The following EYS variants were observed in gnomAD, a reference collection of about 807,000 sequenced individuals.
EYS encodes the protein protein eyes shut homolog.
A neutral mutation model predicts 282.1 loss-of-function variants in EYS; 250 were observed. The observed-to-expected ratio is 0.89, with a 90% CI of 0.80 to 0.98. The LOEUF is 0.98. Among genes scored for constraint, EYS ranks in the 50% least tolerant of loss-of-function variants. The pLI is 0.00. For synonymous variants in EYS, 1,355 were observed against 1,282.9 expected, an observed-to-expected ratio of 1.06 and a Z score of -1.20; for missense variants, 4,016 against 3,709.0, an observed-to-expected ratio of 1.08 and a Z score of -2.15.
intron 35 of EYS, among the ~76,000 whole-genome samples, chr6:63,964,009 T>A (rs1046337030): frequency 3.3e-5 from 5 of 152,226 alleles, no homozygotes; most frequent in African/African-American, 1.2e-4. Context: ...GGAAGGAAGA[T>A]TAAATCTGGT....
At chr6:64,579,834 C>T (rs962540543) in intron 26 of EYS, among the ~76,000 whole-genome samples, 2 of 152,186 alleles carry the variant, frequency 1.3e-5, no homozygotes, top group East Asian at 1.9e-4. Context: ...CTATACTGGC[C>T]GGTTACTTTG....
intron 22 of EYS, among the ~76,000 whole-genome samples, chr6:64,669,659 T>C (rs918149946): frequency 3.3e-5 from 5 of 152,196 alleles, no homozygotes; most frequent in African/African-American, 1.2e-4. Flanking sequence ...CCTTGGTTGC[T>C]TGGGCCTCAG....
intron 31 of EYS, among the ~76,000 whole-genome samples, chr6:64,168,325 G>A (rs1462719664): frequency 6.6e-6 from 1 of 152,096 alleles, no homozygotes; most frequent in Non-Finnish European, 1.5e-5. Context: ...TAGAGAAGTG[G>A]GAAAACTTGT....
chr6:64,722,664 G>A (rs961881830), intron 22 of EYS, among the ~76,000 whole-genome samples: 6 of 151,982 alleles, frequency 3.9e-5, no homozygotes, highest in African/African-American at 1.5e-4. Context: ...AGCTACAAAG[G>A]AAATACATTT....
At chr6:63,862,834 C>CCA (rs10630106) in intron 36 of EYS, among the ~76,000 whole-genome samples, 73,897 of 151,916 alleles carry the variant, frequency 0.49, 19,834 homozygotes, top group Non-Finnish European at 0.6. Flanking sequence ...TATAACCCTG[C>CCA]CACACACAGA....
intron 12 of EYS, among the ~76,000 whole-genome samples, chr6:65,267,435 T>C (rs1447004039): frequency 6.6e-6 from 1 of 151,960 alleles, no homozygotes; most frequent in African/African-American, 2.4e-5. Context: ...TTATAAGATA[T>C]TTAATTCGTC....
chr6:64,942,338 C>T (rs1212769560), intron 15 of EYS, among the ~76,000 whole-genome samples: 2 of 143,602 alleles, frequency 1.4e-5, no homozygotes, highest in Admixed American at 7.2e-5. Context: ...CAAACTAATT[C>T]CAAACCTAGC....
At chr6:65,092,486 T>C (rs982820175) in intron 12 of EYS, among the ~76,000 whole-genome samples, 3 of 152,218 alleles carry the variant, frequency 2.0e-5, no homozygotes, top group Non-Finnish European at 2.9e-5. Context: ...CAAAAAGTCA[T>C]GCAACACACT....
intron 26 of EYS, among the ~76,000 whole-genome samples, chr6:64,552,842 T>G (rs1270083445): frequency 6.6e-6 from 1 of 151,254 alleles, no homozygotes; most frequent in Non-Finnish European, 1.5e-5. Flanking sequence ...TCACTTGAAC[T>G]GGGGAGGCAG....
At chr6:64,596,978 T>C (rs1398787648) in intron 24 of EYS, among the ~76,000 whole-genome samples, 1 of 152,064 alleles carries the variant, frequency 6.6e-6, no homozygotes, top group Admixed American at 6.6e-5. Flanking sequence ...GGAACTAATA[T>C]TTAAAATTTT....
At chr6:65,630,457 T>C (rs1414461424) in intron 2 of EYS, among the ~76,000 whole-genome samples, 1 of 152,254 alleles carries the variant, frequency 6.6e-6, no homozygotes, top group Non-Finnish European at 1.5e-5. Context: ...CTGCTTTTTC[T>C]ATCCAAACTT....
At chr6:64,766,086 C>T (rs1290236465) in intron 22 of EYS, among the ~76,000 whole-genome samples, 1 of 151,354 alleles carries the variant, frequency 6.6e-6, no homozygotes, top group Admixed American at 6.6e-5. Context: ...GCCATCACAC[C>T]CAGCTAACTC....
chr6:64,060,395 G>A (rs1771124983), intron 33 of EYS, among the ~76,000 whole-genome samples: 1 of 152,144 alleles, frequency 6.6e-6, no homozygotes, highest in Non-Finnish European at 1.5e-5. Flanking sequence ...TATATGTGGG[G>A]AAAGGGCAGA....
chr6:64,324,520 C>T (rs1422725411), intron 29 of EYS, among the ~76,000 whole-genome samples: 4 of 152,044 alleles, frequency 2.6e-5, no homozygotes, highest in Admixed American at 2.6e-4. Context: ...CCATAGCCAA[C>T]AATATACTGA....
intron 22 of EYS, among the ~76,000 whole-genome samples, chr6:64,706,013 T>G (rs1770998811): frequency 2.4e-5 from 2 of 82,514 alleles, no homozygotes; most frequent in Admixed American, 1.2e-4. Flanking sequence ...TAAATAAAAA[T>G]TATTCAAAAA....
intron 31 of EYS, among the ~76,000 whole-genome samples, chr6:64,183,015 C>T (rs1005670814): frequency 1.3e-5 from 2 of 152,116 alleles, no homozygotes; most frequent in African/African-American, 4.8e-5. Context: ...ACGGGAACGA[C>T]CAGGTAGAGA....
intron 5 of EYS, among the ~76,000 whole-genome samples, chr6:65,486,877 AAG>A (rs1417924836): frequency 6.6e-6 from 1 of 152,236 alleles, no homozygotes; most frequent in African/African-American, 2.4e-5. Context: ...TTTATCCTTG[AAG>A]AGGTCCTTCA....
intron 11 of EYS, chr6:65,332,055 T>C: frequency 3.8e-6 from 1 of 262,996 alleles, no homozygotes; most frequent in East Asian, 6.9e-5. Flanking sequence ...ATCTCATTGT[T>C]TTGATTTAAA....
chr6:64,502,130 T>G (rs1485112431), intron 26 of EYS, among the ~76,000 whole-genome samples: 7 of 152,144 alleles, frequency 4.6e-5, no homozygotes, highest in Admixed American at 4.6e-4. Context: ...TATATTTGGG[T>G]TAATGGCTCC....
Sources: gnomAD v4.1 joint callset for allele counts (sites outside exome capture counted in the v4.1 genomes callset) on GRCh38, gnomAD v4.1.1 for gene constraint, MANE v1.5 for transcripts, NCBI Gene and HGNC (gene_info 2026-07-23, HGNC 2026-07-21) for gene names.